Variants in CKAP5 observed in about 807,000 individuals in gnomAD.
CKAP5 encodes cytoskeleton associated protein 5.
A neutral mutation model predicts 232.8 loss-of-function variants in CKAP5; 27 were observed. That is an observed-to-expected ratio of 0.12 (90% CI 0.09 to 0.16). The LOEUF is 0.16. Ranked by LOEUF, CKAP5 falls within the 10% of genes least tolerant of loss-of-function variation. The pLI is 1.00. For synonymous variants in CKAP5, 785 were observed against 841.1 expected, an observed-to-expected ratio of 0.93 and a Z score of 1.16; for missense variants, 1,838 against 2,424.7, an observed-to-expected ratio of 0.76 and a Z score of 5.08.
chr11:46,748,700 T>G (rs978429020), intron 42 of CKAP5, among the ~76,000 whole-genome samples: 3 of 151,656 alleles, frequency 2.0e-5, no homozygotes, highest in African/African-American at 4.8e-5. Flanking sequence ...ACCCGGGAGG[T>G]GGAGGTTGCA....
chr11:46,776,150 T>C, intron 24 of CKAP5, 105 bp downstream of exon 24: 1 of 930,312 alleles, frequency 1.1e-6, no homozygotes, highest in African/African-American at 1.7e-5. Context: ...AACTGTTTTA[T>C]AATGAAACTC....
chr11:46,795,748 A>C lies in CKAP5; in HGVS notation c.1496T>G (p.Leu499Arg), dbSNP rs1340770425. The part of the protein sequence containing the change: ...KIKECSEKVE[L>R]IHGKKAGLAA... ...TAGTCCAGCTTTCTTACCATGTATC[A>C]GTTCTACCTTTTCTGAACATTCTTT... The change falls in exon 13 of 44, where the codon CTG becomes CGG. Residue 499 changes from leucine (L) to arginine (R), a missense_variant. Leu to Arg is a moderately radical substitution (Grantham distance 102). Transcript: ENST00000529230. The C allele has an allele frequency of 6.2e-7, 1 of 1,613,690 alleles. No homozygotes were observed. The highest frequency in any genetic ancestry group is 1.7e-5 in the Admixed American group (1 of 59,880).
At chr11:46,846,056 C>A (rs1940182783) in intron 1 of CKAP5, among the ~76,000 whole-genome samples, 164 bp downstream of exon 1, 1 of 151,976 alleles carries the variant, frequency 6.6e-6, no homozygotes, top group Non-Finnish European at 1.5e-5. Context: ...CCGCAGGTCC[C>A]CCGGCCTCCG....
At chr11:46,794,584 C>T (rs555076643) in intron 13 of CKAP5, among the ~76,000 whole-genome samples, 8 of 152,108 alleles carry the variant, frequency 5.3e-5, no homozygotes, top group Admixed American at 4.6e-4. Flanking sequence ...ATGCCTGTAA[C>T]CTCAGCACTT....
chr11:46,799,397 T>C (rs770815791), intron 9 of CKAP5, among the ~76,000 whole-genome samples: 3 of 152,136 alleles, frequency 2.0e-5, no homozygotes, highest in Non-Finnish European at 4.4e-5. Context: ...ATGGTTCCCA[T>C]GGAAAAATAC....
At chr11:46,844,665 AG>A (rs1160302064) in intron 1 of CKAP5, among the ~76,000 whole-genome samples, 3 of 152,116 alleles carry the variant, frequency 2.0e-5, no homozygotes, top group Non-Finnish European at 4.4e-5. Flanking sequence ...TTTTTGAGAC[AG>A]AGGGTCGCTC....
rs777172772 is a variant in CKAP5, at chr11:46,776,307, C to T, written c.2939G>A (p.Gly980Glu). The stretch of plus-strand genomic sequence containing the variant: ...TTTGAGCTCTTCAGAAAGATCTTCT[C>T]CTTCCAGCCATTCCTTCATGCCAGT... ...EQTGMKEWLE[G>E]EDLSEELKKE... Residue 980 changes from glycine to glutamate, a missense_variant, in exon 24 of 44, where the codon GGA becomes GAA. Physicochemically the swap from Gly to Glu is moderately conservative, Grantham distance 98. This residue lies in a region of CKAP5 where 767 missense variants were observed against 954.6 expected (regional missense o/e 0.80). Coordinates refer to ENST00000529230, the MANE Select transcript of CKAP5 (RefSeq NM_001008938.4). The T allele has an allele frequency of 6.2e-7, 1 of 1,614,034 alleles. No homozygotes were observed. Among genetic ancestry groups the T allele is most frequent in the Non-Finnish European group, 8.5e-7 (1 of 1,179,930 alleles).
In CKAP5 at chr11:46,767,175, A is replaced by G. The variant is rs1208455591; in HGVS notation, c.3411+400T>C. Among the ~76,000 whole-genome samples the G allele has an allele frequency of 2.0e-5, 3 of 152,002 alleles. No homozygotes were observed. The East Asian group carries it at 5.8e-4, about 29-fold the overall frequency. On this transcript the variant is annotated intron_variant, in intron 27 of 43. Transcript: ENST00000529230. ...TAGCTGGGATTACAGGTGTGCCACC[A>G]TGCCCAACTAATTTTTGTATTTTTA...
At chr11:46,819,933 G>A (rs1939489712) in intron 2 of CKAP5, among the ~76,000 whole-genome samples, 1 of 151,956 alleles carries the variant, frequency 6.6e-6, no homozygotes, top group South Asian at 2.1e-4. Flanking sequence ...TAGAATGAGT[G>A]TTCCCTAAAC....
chr11:46,811,086 G>A lies in CKAP5; in HGVS notation c.551C>T (p.Ala184Val). 6.2e-7 allele frequency: 1 copy of A among 1,614,062 alleles called. No homozygotes were observed. Among genetic ancestry groups the A allele is most frequent in the Non-Finnish European group, 8.5e-7 (1 of 1,179,982 alleles). ...GTAAATCTCCACAGCAATTAGTTTG[G>A]CTTCATCTCGAACAGCCTTCTCTCG... The part of the protein sequence containing the change: ...ESREKAVRDE[A>V]KLIAVEIYRW... Residue 184 changes from alanine to valine, a missense_variant, in exon 5 of 44, where the codon GCC becomes GTC. By Grantham distance (64) the Ala-to-Val change is moderately conservative. This residue lies in a region of CKAP5 where 285 missense variants were observed against 300.0 expected (regional missense o/e 0.95). Transcript: ENST00000529230.
intron 32 of CKAP5, among the ~76,000 whole-genome samples, 188 bp downstream of exon 32, chr11:46,761,812 T>C (rs1036340683): frequency 6.6e-6 from 1 of 152,192 alleles, no homozygotes; most frequent in African/African-American, 2.4e-5. Context: ...GAAAACTTGA[T>C]TTCCATTAAA....
At chr11:46,801,411 T>C in intron 8 of CKAP5, 107 bp from the exon 9 acceptor site, 1 of 788,668 alleles carries the variant, frequency 1.3e-6, no homozygotes, top group South Asian at 1.5e-5. Context: ...GGCTCACACC[T>C]GTAATCCCAG....
chr11:46,758,714 G>GAAA, intron 35 of CKAP5: 7 of 340,810 alleles, frequency 2.1e-5, no homozygotes, highest in South Asian at 5.0e-5. Context: ...CTCAAAAGAG[G>GAAA]AAAAAAAAAA....
At chr11:46,843,543 C>G (rs1210487338) in intron 1 of CKAP5, among the ~76,000 whole-genome samples, 1 of 151,894 alleles carries the variant, frequency 6.6e-6, no homozygotes, top group Non-Finnish European at 1.5e-5. Context: ...CCAGCCTGGG[C>G]AACAAGGCAA....
intron 38 of CKAP5, among the ~76,000 whole-genome samples, chr11:46,752,193 T>TATATATATATATACACACACAC (rs1408030107): frequency 1.5e-4 from 10 of 66,544 alleles, no homozygotes; most frequent in African/African-American, 4.1e-4. Flanking sequence ...TATATATATA[T>TATATATATATATACACACACAC]ACACACACAC....
At chr11:46,754,756 C>CTG in intron 36 of CKAP5, 132 bp downstream of exon 36, 4 of 683,348 alleles carry the variant, frequency 5.9e-6, no homozygotes, top group Non-Finnish European at 7.4e-6. Context: ...CAGTAGCTTG[C>CTG]TATATACAAT....
intron 42 of CKAP5, among the ~76,000 whole-genome samples, chr11:46,744,870 A>C (rs1307021372): frequency 6.6e-6 from 1 of 152,206 alleles, no homozygotes; most frequent in Non-Finnish European, 1.5e-5. Context: ...TGACTTGGGC[A>C]ATCCAAAAAG....
In CKAP5 at chr11:46,796,946, G is replaced by A. The variant is rs1260364441; in HGVS notation, c.1339-6C>T. On this transcript the variant is annotated splice_region_variant and splice_polypyrimidine_tract_variant and intron_variant, in intron 11 of 43. Coordinates refer to ENST00000529230, the MANE Select transcript of CKAP5 (RefSeq NM_001008938.4). ...GGAGCAGAATCATTGATGTGCTATAGTCCAGAAGTAAGCAAAATGATATTA... is the reference window on the plus strand; with the variant it reads ...GGAGCAGAATCATTGATGTGCTATAATCCAGAAGTAAGCAAAATGATATTA... 7 of 1,613,350 alleles carry A rather than the reference G, an allele frequency of 4.3e-6. No individual in the cohort carries two copies. Among genetic ancestry groups the A allele is most frequent in the East Asian group, 2.2e-5 (1 of 44,836 alleles).
intron 3 of CKAP5, among the ~76,000 whole-genome samples, chr11:46,816,618 T>C (rs1051723432): frequency 3.3e-5 from 5 of 152,130 alleles, no homozygotes; most frequent in East Asian, 1.9e-4. Context: ...AGTTTATAAA[T>C]GTAGAAAATT....
Sources: allele counts gnomAD v4.1 joint callset (sites outside exome capture counted in the v4.1 genomes callset), GRCh38; gene constraint gnomAD v4.1.1; regional missense constraint gnomAD v4.1.1; transcripts MANE v1.5; gene names NCBI Gene and HGNC (gene_info 2026-07-23, HGNC 2026-07-21).